Variants in C2orf49 observed in about 807,000 individuals in gnomAD.
C2orf49 encodes tRNA-splicing ligase complex subunit ASW.
C2orf49 carries 11 observed loss-of-function variants against 20.6 expected under a neutral mutation model. The observed-to-expected ratio is 0.53, with a 90% CI of 0.34 to 0.88. The LOEUF (loss-of-function observed/expected upper bound fraction) is 0.88. Ranked by LOEUF, C2orf49 falls within the 40% of genes least tolerant of loss-of-function variation. The probability of loss-of-function intolerance (pLI) is 0.02; values close to 1 mark genes in which losing one functional copy is unlikely to be tolerated. For synonymous variants in C2orf49, 134 were observed against 108.5 expected (o/e 1.24, Z -1.46); for missense variants, 289 against 274.2 (o/e 1.05, Z -0.38).
At chr2:105,341,831 G>A (rs1014511141) in intron 2 of C2orf49, among the ~76,000 whole-genome samples, 10 of 152,174 alleles carry the variant, frequency 6.6e-5, no homozygotes, top group African/African-American at 2.4e-4. Flanking sequence ...GGGCTAAAAT[G>A]TTCTTCCTGA....
At chr2:105,369,810 G>T in the C2orf49 span, among the ~76,000 whole-genome samples, 1 of 152,260 alleles carries the variant, frequency 6.6e-6, no homozygotes, top group South Asian at 2.1e-4. Flanking sequence ...TGGCATTCTT[G>T]TCGAGTTCTG....
chr2:105,339,707 A>G lies in C2orf49; in HGVS notation c.224A>G (p.Glu75Gly), dbSNP rs552618417. Reference sequence around the variant, plus strand: ...AAGAATAGATGGGGGAAAATGATGGAAAAGAAAAGAGAACAACATGAGATT... The same window carrying G: ...AAGAATAGATGGGGGAAAATGATGGGAAAGAAAAGAGAACAACATGAGATT... ...LPKNRWGKMM[E>G]KKREQHEIKN... The change falls in exon 2 of 4, where the codon GAA (glutamate) becomes GGA (glycine). Residue 75 changes from glutamate to glycine, a missense_variant. Coordinates refer to ENST00000258457, the MANE Select transcript of C2orf49 (RefSeq NM_024093.3). 6.2e-7 allele frequency: 1 copy of G among 1,605,744 alleles called. No individual in the cohort carries two copies. The highest frequency in any genetic ancestry group is 1.7e-5 in the Admixed American group (1 of 57,166).
intron 2 of C2orf49, 111 bp downstream of exon 2, chr2:105,339,860 C>T: frequency 2.1e-6 from 2 of 939,838 alleles, no homozygotes; most frequent in South Asian, 4.1e-5. Flanking sequence ...TACTCAATGA[C>T]TATCTATTGA....
At chr2:105,363,513 G>T in the C2orf49 span, 1 of 1,536,800 alleles carries the variant, frequency 6.5e-7, no homozygotes, top group South Asian at 1.2e-5. Context: ...CTCTGTGCTT[G>T]GCAGACATCT....
chr2:105,356,786 A>G, the C2orf49 span, among the ~76,000 whole-genome samples: 1 of 152,134 alleles, frequency 6.6e-6, no homozygotes, highest in Non-Finnish European at 1.5e-5. Flanking sequence ...ATCTAGCCAG[A>G]GTTTTCTCAT....
At chr2:105,379,126 T>C in the C2orf49 span, among the ~76,000 whole-genome samples, 2 of 152,234 alleles carry the variant, frequency 1.3e-5, no homozygotes, top group Non-Finnish European at 2.9e-5. Context: ...ACTTAAATCC[T>C]GGCTCTGCCC....
the C2orf49 span, among the ~76,000 whole-genome samples, chr2:105,385,636 C>T: frequency 9.9e-5 from 15 of 152,242 alleles, no homozygotes; most frequent in East Asian, 9.7e-4. Flanking sequence ...AAGCCGTTTG[C>T]GGGTGAAGGT....
the C2orf49 span, among the ~76,000 whole-genome samples, chr2:105,380,862 C>T: frequency 1.3e-5 from 2 of 152,224 alleles, no homozygotes; most frequent in Non-Finnish European, 2.9e-5. Context: ...TCATACATTG[C>T]AGTAAAATGT....
At chr2:105,362,545 C>T in the C2orf49 span, among the ~76,000 whole-genome samples, 2 of 152,202 alleles carry the variant, frequency 1.3e-5, no homozygotes, top group Non-Finnish European at 2.9e-5. Context: ...CTGATAGGAA[C>T]GAACCAGTCA....
the C2orf49 span, among the ~76,000 whole-genome samples, chr2:105,382,803 G>A: frequency 3.9e-5 from 6 of 152,172 alleles, no homozygotes; most frequent in African/African-American, 9.7e-5. Flanking sequence ...TCTAGGTTAC[G>A]TGTGTCGCCC....
chr2:105,377,895 G>T, the C2orf49 span: 1 of 380,624 alleles, frequency 2.6e-6, no homozygotes, highest in Non-Finnish European at 5.3e-6. Flanking sequence ...TGGCTGCCCT[G>T]CCCAGGGAGG....
chr2:105,372,071 G>A, the C2orf49 span, among the ~76,000 whole-genome samples: 1 of 152,158 alleles, frequency 6.6e-6, no homozygotes, highest in East Asian at 1.9e-4. Flanking sequence ...GGCTGGGACT[G>A]TGTCAGCCTG....
the C2orf49 span, among the ~76,000 whole-genome samples, chr2:105,370,031 C>G: frequency 5.9e-5 from 9 of 152,228 alleles, no homozygotes; most frequent in African/African-American, 2.2e-4. Context: ...CCAAGTCTCC[C>G]GCAGGCGGAA....
rs1435921011 is a variant in C2orf49, at chr2:105,348,147, T to G, written c.*2776T>G. The G allele has an allele frequency of 6.6e-6, 1 of 152,168 alleles. No homozygotes were observed. Among genetic ancestry groups the G allele is most frequent in the Non-Finnish European group, 1.5e-5 (1 of 68,032 alleles). 9.4% of individuals were successfully genotyped at this position (152,168 alleles called of 1,614,324 possible). On this transcript the variant is annotated 3_prime_UTR_variant, in exon 4 of 4. Transcript: ENST00000258457. The stretch of plus-strand genomic sequence containing the variant: ...ATATTGCTTGGCCCTCCACATTCAC[T>G]GAGAGGTGAAGATAGGCTGACCCCC...
At chr2:105,375,699 G>A in the C2orf49 span, 1 of 152,258 alleles carries the variant, frequency 6.6e-6, no homozygotes, top group South Asian at 2.1e-4. Flanking sequence ...ATTCTCACCT[G>A]AGCCCAGCAC....
chr2:105,376,938 T>C, the C2orf49 span, among the ~76,000 whole-genome samples: 1 of 152,164 alleles, frequency 6.6e-6, no homozygotes, highest in Middle Eastern at 3.2e-3. Context: ...TACTGCATGA[T>C]CTCACACATG....
At chr2:105,368,129 C>T in the C2orf49 span, among the ~76,000 whole-genome samples, 2 of 152,172 alleles carry the variant, frequency 1.3e-5, no homozygotes, top group African/African-American at 4.8e-5. Context: ...CTGTATTCAC[C>T]TATTGCACAC....
chr2:105,370,486 A>G, the C2orf49 span, among the ~76,000 whole-genome samples: 1 of 152,036 alleles, frequency 6.6e-6, no homozygotes. Flanking sequence ...AACGTCTGCT[A>G]ATAGGGGCGC....
chr2:105,347,010 T>C lies in C2orf49; in HGVS notation c.*1639T>C, dbSNP rs373196386. The C allele has an allele frequency of 2.1e-4, 32 of 152,356 alleles. No homozygotes were observed. The highest frequency in any genetic ancestry group is 6.7e-4 in the African/African-American group (28 of 41,592). The allele number at this position is 152,356 out of a possible 1,614,324, so 9.4% of individuals were successfully genotyped here. ...ATATGTTTTAAAGTAGTCTTATTCC[T>C]CTTTTGATTTGTTAAACAAGCATTT... On this transcript the variant is annotated 3_prime_UTR_variant, in exon 4 of 4. Transcript: ENST00000258457.
Sources: gnomAD v4.1 joint callset for allele counts (sites outside exome capture counted in the v4.1 genomes callset) on GRCh38, gnomAD v4.1.1 for gene constraint, MANE v1.5 for transcripts, NCBI Gene and HGNC (gene_info 2026-07-23, HGNC 2026-07-21) for gene names.